The following VPS53 variants were observed in gnomAD, a reference collection of about 807,000 sequenced individuals.
VPS53 encodes the protein vacuolar protein sorting-associated protein 53 homolog.
Under a neutral mutation model 107.0 loss-of-function variants are expected in VPS53, and 70 were observed. The ratio of observed to expected loss-of-function variants is 0.65; its 90% CI spans 0.54 to 0.80. The LOEUF (loss-of-function observed/expected upper bound fraction) is 0.80, where lower values mean the gene tolerates loss of function less well. Among genes scored for constraint, VPS53 ranks in the 30% least tolerant of loss-of-function variants. The probability of loss-of-function intolerance (pLI) is 0.00; values close to 1 mark genes in which losing one functional copy is unlikely to be tolerated. For missense variants in VPS53, 917 were observed against 1,049.4 expected, an observed-to-expected ratio of 0.87 and a Z score of 1.74; for synonymous variants, 409 against 393.3, an observed-to-expected ratio of 1.04 and a Z score of -0.47.
chr17:563,034 A>T (rs1419972950), intron 13 of VPS53, among the ~76,000 whole-genome samples: 1 of 152,146 alleles, frequency 6.6e-6, no homozygotes, highest in African/African-American at 2.4e-5. Context: ...AACCCCTGTA[A>T]GCAAGATAGG....
intron 2 of VPS53, among the ~76,000 whole-genome samples, chr17:706,615 T>C (rs891297396): frequency 1.3e-5 from 2 of 152,128 alleles, no homozygotes; most frequent in Admixed American, 6.5e-5. Flanking sequence ...TGAGATTAAC[T>C]ATCAAGATAG....
chr17:569,816 G>A (rs1412823910), intron 13 of VPS53, among the ~76,000 whole-genome samples: 2 of 151,722 alleles, frequency 1.3e-5, no homozygotes, highest in Admixed American at 1.3e-4. Context: ...AGCTACTTGG[G>A]AGGCTGAGGC....
intron 4 of VPS53, among the ~76,000 whole-genome samples, chr17:666,859 C>T (rs1228501759): frequency 6.6e-6 from 1 of 152,080 alleles, no homozygotes; most frequent in Non-Finnish European, 1.5e-5. Flanking sequence ...ACGGAAGCTG[C>T]AGTGAGCCAA....
Position 697,430 on chromosome 17 carries a change from C to T in VPS53, c.273G>A (p.Gln91=). The change falls in exon 4 of 22, where the codon CAG becomes CAA. Residue 91 remains glutamine, a synonymous_variant. Coordinates refer to ENST00000437048, the MANE Select transcript of VPS53 (RefSeq NM_001128159.3). ...ATGAGTTACTTACTTGCCGTCCATCCTGCCCCACGTTCGTCTGACCTCTTA... is the reference window on the plus strand; with the variant it reads ...ATGAGTTACTTACTTGCCGTCCATCTTGCCCCACGTTCGTCTGACCTCTTA... ...TVVRGQTNVG[Q]DGRQALEEAQ... The T allele has an allele frequency of 6.2e-7, 1 of 1,614,032 alleles. No individual in the cohort carries two copies. Among genetic ancestry groups the T allele is most frequent in the Non-Finnish European group, 8.5e-7 (1 of 1,179,848 alleles).
At chr17:654,405 T>C (rs1472209752) in intron 6 of VPS53, among the ~76,000 whole-genome samples, 4 of 152,134 alleles carry the variant, frequency 2.6e-5, no homozygotes, top group African/African-American at 9.7e-5. Flanking sequence ...GGTTATTTCA[T>C]TAAATTTGTA....
intron 2 of VPS53, among the ~76,000 whole-genome samples, chr17:707,863 A>G (rs1308047421): frequency 2.7e-5 from 4 of 147,150 alleles, no homozygotes; most frequent in African/African-American, 1.0e-4. Flanking sequence ...AAAAAAAAGG[A>G]AGAAAGAAAA....
At position 662,551 on chromosome 17, in the gene VPS53, C is replaced by T. The variant is rs556798818; in HGVS notation, c.286-656G>A. Among the ~76,000 whole-genome samples, 10 of 151,978 alleles carry T rather than the reference C, an allele frequency of 6.6e-5. No homozygotes were observed. In the East Asian group the frequency reaches 1.2e-3, roughly 18 times the overall value. Reference sequence around the variant, plus strand: ...AAAAATACAAAAAACTAGCCAGGCACAGTGGCACGCACCTGTAGTCCCAGC... The same window carrying T: ...AAAAATACAAAAAACTAGCCAGGCATAGTGGCACGCACCTGTAGTCCCAGC... On this transcript the variant is annotated intron_variant, in intron 4 of 21. Coordinates refer to ENST00000437048, the MANE Select transcript of VPS53 (RefSeq NM_001128159.3).
intron 15 of VPS53, among the ~76,000 whole-genome samples, chr17:555,411 C>T (rs1223275212): frequency 6.6e-6 from 1 of 152,252 alleles, no homozygotes. Context: ...GTTGGCCATG[C>T]TGGTCTCAAA....
chr17:648,483 G>A (rs1396433669), intron 7 of VPS53, among the ~76,000 whole-genome samples: 2 of 152,166 alleles, frequency 1.3e-5, no homozygotes, highest in African/African-American at 2.4e-5. Context: ...CCCAGGAGGC[G>A]GCGATTGCAG....
intron 4 of VPS53, among the ~76,000 whole-genome samples, chr17:686,027 G>C (rs866019437): frequency 9.6e-4 from 145 of 151,332 alleles, no homozygotes; most frequent in African/African-American, 3.3e-3. Flanking sequence ...AACAGAGAGA[G>C]AAGAGAATTG....
intron 4 of VPS53, chr17:674,318 T>A (rs1972072618): frequency 6.6e-6 from 1 of 152,244 alleles, no homozygotes; most frequent in African/African-American, 2.4e-5. Flanking sequence ...TTCATTCTAA[T>A]TCCCCATATC....
At chr17:661,747 C>T in intron 5 of VPS53, 62 bp downstream of exon 5, 4 of 1,474,204 alleles carry the variant, frequency 2.7e-6, no homozygotes, top group Non-Finnish European at 3.7e-6. Context: ...TATTAGAATG[C>T]CTAGATGAGA....
At chr17:685,291 A>T (rs1250734198) in intron 4 of VPS53, 2 of 152,160 alleles carry the variant, frequency 1.3e-5, no homozygotes, top group African/African-American at 4.8e-5. Flanking sequence ...ACAATACGGC[A>T]TCCAAAAATA....
chr17:587,457 CAGAT>C lies in VPS53; in HGVS notation c.1219-1097_1219-1094del, dbSNP rs965862228. 1.6e-4 allele frequency among the ~76,000 whole-genome samples: 24 copies of C among 152,198 alleles called. No homozygotes were observed. In the East Asian group the frequency reaches 3.1e-3, roughly 20 times the overall value. Reference sequence around the variant, plus strand: ...GAAAGGACAGTTGGTAACCTTACATCAGATAGATAGAGAGAGAGACAGGCAGGCA... The same window carrying C: ...GAAAGGACAGTTGGTAACCTTACATCAGATAGAGAGAGAGACAGGCAGGCA... On this transcript the variant is annotated intron_variant, in intron 12 of 21. Transcript: ENST00000437048.
intron 11 of VPS53, among the ~76,000 whole-genome samples, chr17:623,131 A>T (rs1027979263): frequency 2.0e-5 from 3 of 152,202 alleles, no homozygotes; most frequent in Admixed American, 2.0e-4. Flanking sequence ...TGGGGTTTAC[A>T]GAGACTCATT....
chr17:534,370 A>G (rs1909853740), intron 18 of VPS53, among the ~76,000 whole-genome samples: 4 of 152,180 alleles, frequency 2.6e-5, no homozygotes, highest in African/African-American at 9.6e-5. Context: ...ATTGCTTAAG[A>G]CAGCAAACGA....
At chr17:679,492 C>A (rs950387858) in intron 4 of VPS53, among the ~76,000 whole-genome samples, 4 of 151,938 alleles carry the variant, frequency 2.6e-5, no homozygotes, top group African/African-American at 4.8e-5. Flanking sequence ...CCAGCCTGAG[C>A]AACAGAGCAA....
At chr17:632,593 C>T (rs1346894834) in intron 7 of VPS53, 3 of 368,456 alleles carry the variant, frequency 8.1e-6, no homozygotes, top group Non-Finnish European at 1.6e-5. Context: ...ATTGTTCTAC[C>T]AAATACTAGA....
rs754729777 is a variant in VPS53, at chr17:623,594, G to C, written c.1055C>G (p.Thr352Ser). The change falls in exon 11 of 22, where the codon ACT (threonine) becomes AGT (serine). Residue 352 changes from threonine to serine, a missense_variant. Transcript: ENST00000437048. ...KLLLFAIQRT[T>S]NFEGFLAKRF... ...TTTTGCAAGAAACCCCTCAAAGTTA[G>C]TTGTTCTTTGAATAGCAAAAAGAAG... 11 of 1,613,894 alleles carry C rather than the reference G, an allele frequency of 6.8e-6. No homozygotes were observed. The highest frequency in any genetic ancestry group is 2.2e-5 in the East Asian group (1 of 44,896).
Sources: gnomAD v4.1 joint callset for allele counts (sites outside exome capture counted in the v4.1 genomes callset) on GRCh38, gnomAD v4.1.1 for gene constraint, MANE v1.5 for transcripts, NCBI Gene and HGNC (gene_info 2026-07-23, HGNC 2026-07-21) for gene names.